The following TBC1D19 variants were observed in gnomAD, a reference collection of about 807,000 sequenced individuals.
TBC1D19 encodes the protein TBC1 domain family member 19, also known as TBC1 domain family, member 19.
In TBC1D19, 60 loss-of-function variants were observed where a neutral mutation model predicts 89.0. The observed-to-expected ratio is 0.67, with a 90% CI of 0.55 to 0.84. The LOEUF is 0.84. Among genes scored for constraint, TBC1D19 ranks in the 40% least tolerant of loss-of-function variants. The pLI, the probability that TBC1D19 is intolerant of heterozygous loss-of-function variation, is 0.00. For missense variants in TBC1D19, 500 were observed against 610.8 expected, an observed-to-expected ratio of 0.82 and a Z score of 1.91; for synonymous variants, 189 against 199.7, an observed-to-expected ratio of 0.95 and a Z score of 0.45.
the TBC1D19 span, among the ~76,000 whole-genome samples, chr4:26,832,112 A>C: frequency 1.8e-3 from 267 of 152,342 alleles, 1 homozygote; most frequent in South Asian, 0.018. Context: ...TAACAGTTAA[A>C]ATCAAGAACT....
intron 7 of TBC1D19, among the ~76,000 whole-genome samples, chr4:26,656,242 A>G (rs1560450927): frequency 6.6e-6 from 1 of 152,140 alleles, no homozygotes; most frequent in Non-Finnish European, 1.5e-5. Context: ...AATAACACAC[A>G]ATGTTATTGC....
At chr4:26,830,230 C>A in the TBC1D19 span, among the ~76,000 whole-genome samples, 1 of 152,146 alleles carries the variant, frequency 6.6e-6, no homozygotes, top group Non-Finnish European at 1.5e-5. Flanking sequence ...ATAAGTAATG[C>A]GTATATGCAA....
chr4:26,687,085 G>A (rs1369846840), intron 12 of TBC1D19, among the ~76,000 whole-genome samples: 2 of 152,072 alleles, frequency 1.3e-5, no homozygotes, highest in African/African-American at 4.8e-5. Context: ...CAATCAATCA[G>A]TACTTGTTGA....
chr4:26,595,964 A>C (rs977967738), intron 1 of TBC1D19, among the ~76,000 whole-genome samples: 1 of 152,104 alleles, frequency 6.6e-6, no homozygotes, highest in Non-Finnish European at 1.5e-5. Flanking sequence ...TAATTAAAAA[A>C]AATTTTTTTT....
At chr4:26,613,072 T>A (rs1215690057) in intron 1 of TBC1D19, 97 bp from the exon 2 acceptor site, 1 of 911,316 alleles carries the variant, frequency 1.1e-6, no homozygotes, top group Non-Finnish European at 1.6e-6. Context: ...CACTCCTTTT[T>A]AAACATTTCC....
At chr4:26,649,852 TC>T (rs1744223885) in intron 7 of TBC1D19, among the ~76,000 whole-genome samples, 1 of 152,106 alleles carries the variant, frequency 6.6e-6, no homozygotes, top group Admixed American at 6.5e-5. Context: ...CCTAATGCTA[TC>T]CCTCCCCTCT....
At chr4:26,655,475 G>A (rs1312095107) in intron 7 of TBC1D19, among the ~76,000 whole-genome samples, 1 of 152,222 alleles carries the variant, frequency 6.6e-6, no homozygotes, top group South Asian at 2.1e-4. Flanking sequence ...CAGAGGTGGA[G>A]TCTAGAGAGG....
chr4:26,620,913 G>A (rs1266610900), intron 4 of TBC1D19, among the ~76,000 whole-genome samples: 1 of 152,098 alleles, frequency 6.6e-6, no homozygotes, highest in Non-Finnish European at 1.5e-5. Flanking sequence ...GGGTAGAAGG[G>A]GAAAAATCAT....
chr4:26,586,170 G>GTTTTTTTTTTTTTTTTTTTT, intron 1 of TBC1D19, among the ~76,000 whole-genome samples: 1 of 135,150 alleles, frequency 7.4e-6, no homozygotes. Context: ...TGCAAGGTAA[G>GTTTTTTTTTTTTTTTTTTTT]CTTTTTTTTT....
chr4:26,832,377 G>C, the TBC1D19 span, among the ~76,000 whole-genome samples: 8 of 152,012 alleles, frequency 5.3e-5, no homozygotes, highest in Non-Finnish European at 1.2e-4. Flanking sequence ...ATGCATGTTG[G>C]GCCTGCCAGG....
chr4:26,858,617 A>G, the TBC1D19 span: 1 of 152,306 alleles, frequency 6.6e-6, no homozygotes, highest in Non-Finnish European at 1.5e-5. Flanking sequence ...TCTTAGGTTT[A>G]TGCTGTGATG....
chr4:26,732,252 G>A (rs1717712368), intron 15 of TBC1D19, among the ~76,000 whole-genome samples: 1 of 152,108 alleles, frequency 6.6e-6, no homozygotes, highest in Non-Finnish European at 1.5e-5. Context: ...AGGTAACCCT[G>A]TTTATGACAA....
chr4:26,841,543 C>T, the TBC1D19 span, among the ~76,000 whole-genome samples: 1 of 152,152 alleles, frequency 6.6e-6, no homozygotes, highest in African/African-American at 2.4e-5. Flanking sequence ...GTGGAGATGC[C>T]TGACTTGACT....
intron 4 of TBC1D19, among the ~76,000 whole-genome samples, chr4:26,623,281 A>G (rs754412612): frequency 1.3e-5 from 2 of 152,310 alleles, no homozygotes; most frequent in Non-Finnish European, 2.9e-5. Context: ...CTTCAAGAGA[A>G]AATCATGTAA....
chr4:26,645,408 G>T (rs1040610097), intron 7 of TBC1D19, among the ~76,000 whole-genome samples: 1 of 152,286 alleles, frequency 6.6e-6, no homozygotes, highest in Admixed American at 6.5e-5. Context: ...ATGGGGAAAG[G>T]ATTCCCTATT....
chr4:26,849,201 A>AAC, the TBC1D19 span, among the ~76,000 whole-genome samples: 3,834 of 149,240 alleles, frequency 0.026, 124 homozygotes, highest in African/African-American at 0.066. Context: ...CACACACACA[A>AAC]ACACACACAC....
chr4:26,635,173 A>G (rs1178569768), intron 4 of TBC1D19, among the ~76,000 whole-genome samples: 2 of 152,142 alleles, frequency 1.3e-5, no homozygotes, highest in Non-Finnish European at 2.9e-5. Flanking sequence ...TCATTTAATT[A>G]GAAGTATTTT....
At chr4:26,678,352 T>G (rs1343345081) in intron 11 of TBC1D19, among the ~76,000 whole-genome samples, 1 of 152,228 alleles carries the variant, frequency 6.6e-6, no homozygotes, top group Non-Finnish European at 1.5e-5. Context: ...GGAGGTTTGT[T>G]TGCCAAAGTT....
chr4:26,675,273 A>C (rs1278105423), intron 11 of TBC1D19, among the ~76,000 whole-genome samples: 1 of 152,112 alleles, frequency 6.6e-6, no homozygotes, highest in Non-Finnish European at 1.5e-5. Flanking sequence ...AAACAAATTT[A>C]GAATATTTCC....
Sources: allele counts gnomAD v4.1 joint callset (sites outside exome capture counted in the v4.1 genomes callset), GRCh38; gene constraint gnomAD v4.1.1; transcripts MANE v1.5; gene names NCBI Gene and HGNC (gene_info 2026-07-23, HGNC 2026-07-21).